The following FRMPD4 variants were observed in gnomAD, a reference collection of about 807,000 sequenced individuals.
The protein encoded by FRMPD4 is FERM and PDZ domain-containing protein 4.
A neutral mutation model predicts 94.1 loss-of-function variants in FRMPD4; 22 were observed. The ratio of observed to expected loss-of-function variants is 0.23; its 90% confidence interval spans 0.17 to 0.33. The LOEUF is 0.33. Among genes scored for constraint, FRMPD4 ranks in the 10% least tolerant of loss-of-function variants. The pLI is 1.00. For synonymous variants in FRMPD4, 631 were observed against 548.6 expected (o/e 1.15, Z -2.10); for missense variants, 1,111 against 1,339.9 (o/e 0.83, Z 2.67).
chrX:12,695,378 G>A (rs902643057), intron 9 of FRMPD4, among the ~76,000 whole-genome samples: 1 of 108,838 alleles, frequency 9.2e-6, no homozygotes, highest in Non-Finnish European at 1.9e-5. Context: ...AATTTGTGGA[G>A]AGTCACTTTG....
At chrX:12,266,614 C>T (rs1217946984) in intron 1 of FRMPD4, among the ~76,000 whole-genome samples, 1 of 111,902 alleles carries the variant, frequency 8.9e-6, no homozygotes, top group Admixed American at 9.5e-5. Flanking sequence ...CACAGTGGGA[C>T]AGCACAGCAA....
intron 1 of FRMPD4, among the ~76,000 whole-genome samples, chrX:12,171,704 T>C (rs1056401489): frequency 2.7e-5 from 3 of 112,209 alleles, no homozygotes; most frequent in African/African-American, 9.7e-5. Context: ...TGCAAGCCGA[T>C]GAGCGTGGGA....
chrX:12,088,346 T>G (rs769288465), intron 3 of FRMPD4, among the ~76,000 whole-genome samples: 3 of 111,497 alleles, frequency 2.7e-5, no homozygotes, highest in African/African-American at 9.8e-5. Flanking sequence ...CTAATCCCAT[T>G]CATGAGGGCT....
At chrX:12,040,809 G>A (rs969068815) in intron 3 of FRMPD4, among the ~76,000 whole-genome samples, 2 of 110,334 alleles carry the variant, frequency 1.8e-5, no homozygotes, top group Non-Finnish European at 3.8e-5. Flanking sequence ...GATTACAGGC[G>A]TGAGCCACCG....
chrX:11,944,524 A>C (rs919114746), intron 3 of FRMPD4, among the ~76,000 whole-genome samples: 1 of 112,240 alleles, frequency 8.9e-6, no homozygotes, highest in Non-Finnish European at 1.9e-5. Flanking sequence ...TAAAATTAAT[A>C]GAACCTAGAT....
chrX:12,545,039 C>T (rs2058459644), intron 2 of FRMPD4, among the ~76,000 whole-genome samples: 2 of 111,108 alleles, frequency 1.8e-5, no homozygotes, highest in East Asian at 2.8e-4. Context: ...CCACCCTGTT[C>T]GTGGACAGTT....
At position 12,498,695 on chromosome X, in the gene FRMPD4, T is replaced by C. The variant is rs1256764187; in HGVS notation, c.57T>C (p.Ser19=). ...IAKLSSHRTK[S]SGWPPPSGTW... ...TCTTTTCCAGCCACAGGACGAAGTCTTCAGGCTGGCCGCCTCCCTCGGGAA... is the reference window on the plus strand; with the variant it reads ...TCTTTTCCAGCCACAGGACGAAGTCCTCAGGCTGGCCGCCTCCCTCGGGAA... The change falls in exon 2 of 17, where the codon TCT becomes TCC. Residue 19 remains serine (S), a synonymous_variant. Transcript: ENST00000675598. 2 of 1,182,753 alleles carry C rather than the reference T, an allele frequency of 1.7e-6. No individual in the cohort carries two copies. Among genetic ancestry groups the C allele is most frequent in the Admixed American group, 2.2e-5 (1 of 45,185 alleles).
At chrX:12,129,565 G>T (rs1265469217) in intron 3 of FRMPD4, among the ~76,000 whole-genome samples, 1 of 111,548 alleles carries the variant, frequency 9.0e-6, no homozygotes, top group Non-Finnish European at 1.9e-5. Context: ...CTGTTTCCCA[G>T]CCCCATATAC....
chrX:12,627,648 C>T (rs773839825), intron 4 of FRMPD4, among the ~76,000 whole-genome samples: 9 of 112,188 alleles, frequency 8.0e-5, no homozygotes, highest in Non-Finnish European at 1.3e-4. Context: ...AGAAAAATGA[C>T]TTCACCCAGA....
At chrX:12,206,738 T>A (rs756995655) in intron 1 of FRMPD4, among the ~76,000 whole-genome samples, 6 of 111,981 alleles carry the variant, frequency 5.4e-5, no homozygotes, top group Admixed American at 1.9e-4. Context: ...TATCCTGATC[T>A]GTGATGTGAT....
intron 4 of FRMPD4, among the ~76,000 whole-genome samples, chrX:12,670,782 A>G (rs189097156): frequency 8.8e-4 from 99 of 112,183 alleles, no homozygotes; most frequent in Non-Finnish European, 1.1e-3. Flanking sequence ...AAAAGAAACT[A>G]CCATCAGAGT....
At chrX:11,916,906 C>T (rs1778847263) in intron 3 of FRMPD4, among the ~76,000 whole-genome samples, 1 of 111,439 alleles carries the variant, frequency 9.0e-6, no homozygotes, top group Admixed American at 9.5e-5. Context: ...TTCCTAGCCT[C>T]CCTCACACAT....
chrX:12,632,263 A>G (rs2059402641), intron 4 of FRMPD4, among the ~76,000 whole-genome samples: 1 of 111,267 alleles, frequency 9.0e-6, no homozygotes, highest in South Asian at 3.8e-4. Context: ...TCCCAACTTG[A>G]ACCTGTGACA....
Position 12,718,488 on chromosome X carries a change from G to A in FRMPD4, c.3662G>A (p.Gly1221Asp). Residue 1221 changes from glycine (G) to aspartate (D), a missense_variant, in exon 16 of 17, where the codon GGC becomes GAC. By Grantham distance (94) the Gly-to-Asp change is moderately conservative (BLOSUM62 -1). Transcript: ENST00000675598. ...QSSQGSSVDAGCGTGSSGSAC... is the reference protein window; with the variant it reads ...QSSQGSSVDADCGTGSSGSAC... Reference sequence around the variant, plus strand: ...TCCCAAGGCTCTTCAGTGGATGCAGGCTGTGGCACAGGCAGCAGTGGCAGT... The same window carrying A: ...TCCCAAGGCTCTTCAGTGGATGCAGACTGTGGCACAGGCAGCAGTGGCAGT... 1 of 1,206,365 alleles carries A rather than the reference G, an allele frequency of 8.3e-7. No individual in the cohort carries two copies. Among genetic ancestry groups the A allele is most frequent in the Non-Finnish European group, 1.1e-6 (1 of 890,553 alleles).
intron 7 of FRMPD4, 113 bp from the exon 8 acceptor site, chrX:12,690,082 G>T: frequency 7.9e-6 from 4 of 503,894 alleles, no homozygotes; most frequent in Non-Finnish European, 1.3e-5. Flanking sequence ...TCAACCAAAC[G>T]TATAAAATTT....
intron 3 of FRMPD4, among the ~76,000 whole-genome samples, chrX:12,113,911 C>A (rs1247413455): frequency 9.0e-6 from 1 of 111,657 alleles, no homozygotes; most frequent in Non-Finnish European, 1.9e-5. Flanking sequence ...GAAAAGAGGA[C>A]CTTTTGCATA....
chrX:12,115,670 T>C (rs2055402612), intron 3 of FRMPD4, among the ~76,000 whole-genome samples: 1 of 109,730 alleles, frequency 9.1e-6, no homozygotes, highest in Admixed American at 9.7e-5. Context: ...AGACTGTGGC[T>C]TCGTGTCACA....
At chrX:12,094,288 A>C (rs1332355741) in intron 3 of FRMPD4, among the ~76,000 whole-genome samples, 1 of 112,240 alleles carries the variant, frequency 8.9e-6, no homozygotes, top group Non-Finnish European at 1.9e-5. Context: ...TAATTAATTA[A>C]CTCAACACCC....
intron 1 of FRMPD4, among the ~76,000 whole-genome samples, chrX:12,262,484 G>A (rs975783441): frequency 5.4e-5 from 6 of 111,301 alleles, no homozygotes; most frequent in Non-Finnish European, 1.1e-4. Flanking sequence ...GGCTTTAGAC[G>A]AGGCACTTAA....
Sources: gnomAD v4.1 joint callset for allele counts (sites outside exome capture counted in the v4.1 genomes callset) on GRCh38, gnomAD v4.1.1 for gene constraint, MANE v1.5 for transcripts, NCBI Gene and HGNC (gene_info 2026-07-23, HGNC 2026-07-21) for gene names.